Variants in MAP4K4 observed in about 807,000 individuals in gnomAD.
The protein encoded by MAP4K4 is HPK/GCK-like kinase HGK.
MAP4K4 carries 38 observed loss-of-function variants against 189.6 expected under a neutral mutation model. The ratio of observed to expected loss-of-function variants is 0.20; its 90% CI spans 0.15 to 0.26. MAP4K4 has a LOEUF of 0.26. Ranked by LOEUF, MAP4K4 falls within the 10% of genes least tolerant of loss-of-function variation. The pLI is 1.00. For synonymous variants in MAP4K4, 610 were observed against 624.3 expected, an observed-to-expected ratio of 0.98 and a Z score of 0.34; for missense variants, 1,054 against 1,726.9, an observed-to-expected ratio of 0.61 and a Z score of 6.91.
In MAP4K4 at chr2:101,877,564, C is replaced by T. The variant is rs773230251; in HGVS notation, c.3385+418C>T. On this transcript the variant is annotated intron_variant, in intron 27 of 32. Transcript: ENST00000324219. ...GATCTTGGCTCACTGCGAGCTCCGC[C>T]TCCCAGGTTCAAGCAATTCTCCTGC... 2.0e-5 allele frequency among the ~76,000 whole-genome samples: 3 copies of T among 151,748 alleles called. No individual in the cohort carries two copies. In the South Asian group the frequency reaches 6.2e-4, roughly 32 times the overall value.
At chr2:101,892,136 A>G (rs1380427983) in exon 33 of MAP4K4, 1 of 152,732 alleles carries the variant, frequency 6.5e-6, no homozygotes, top group Non-Finnish European at 1.5e-5. Flanking sequence ...TAGACGTGCA[A>G]CAAAAGTTTT....
intron 3 of MAP4K4, among the ~76,000 whole-genome samples, chr2:101,812,880 C>G (rs1216567420): frequency 6.6e-6 from 1 of 152,192 alleles, no homozygotes; most frequent in Admixed American, 6.5e-5. Flanking sequence ...GTAATCCCAG[C>G]ACTTTGGGAG....
rs774741003 is a variant in MAP4K4 at position 101,856,173 on chromosome 2, G to T, written c.1395+35G>T. 10 of 1,539,542 alleles carry T rather than the reference G, an allele frequency of 6.5e-6. 1 individual carries two copies. The South Asian group carries it at 1.2e-4, about 19-fold the overall frequency. ...CAGATAACATAGCAGGCATACACTT[G>T]TGAAGTTTGTTACTTTGCAGAGCTG... On this transcript the variant is annotated intron_variant, in intron 13 of 32. Coordinates refer to ENST00000324219, the Ensembl canonical transcript of MAP4K4.
chr2:101,808,674 A>G (rs1364444918), intron 3 of MAP4K4, among the ~76,000 whole-genome samples: 1 of 151,656 alleles, frequency 6.6e-6, no homozygotes, highest in African/African-American at 2.4e-5. Context: ...TTTACTTTCT[A>G]TGAAATATAA....
intron 2 of MAP4K4, among the ~76,000 whole-genome samples, chr2:101,774,178 A>C (rs1483756962): frequency 6.6e-6 from 1 of 152,214 alleles, no homozygotes; most frequent in Non-Finnish European, 1.5e-5. Context: ...CGTTACCACC[A>C]ACAGTGTATG....
At position 101,844,009 on chromosome 2, in the gene MAP4K4, T is replaced by C. The variant is rs1576627338; in HGVS notation, c.1023-92T>C. 3.8e-6 allele frequency: 3 copies of C among 795,114 alleles called. No homozygotes were observed. In the East Asian group the frequency reaches 8.1e-5, roughly 21 times the overall value. The allele number at this position is 795,114 out of a possible 1,614,324, so 49.3% of individuals were successfully genotyped here. A position where few individuals can be genotyped will look rare whatever the true frequency, so the allele number is the denominator to read the frequency against. The stretch of plus-strand genomic sequence containing the variant: ...GAGTCAGAGGAACTCAGAGAATGAA[T>C]GTAGAAATGGGATAATATGCTGGTG... On this transcript the variant is annotated intron_variant, in intron 11 of 32. Coordinates refer to ENST00000324219, the Ensembl canonical transcript of MAP4K4.
exon 32 of MAP4K4, chr2:101,888,833 G>T: frequency 6.2e-7 from 1 of 1,613,302 alleles, no homozygotes; most frequent in Non-Finnish European, 8.5e-7. Context: ...GCTGGGGAGA[G>T]AAGGCCATAG....
At chr2:101,755,929 CTTTTTTTTTTTTTTT>C (rs57392183) in intron 2 of MAP4K4, among the ~76,000 whole-genome samples, 11 of 57,792 alleles carry the variant, frequency 1.9e-4, no homozygotes, top group South Asian at 7.7e-4. Flanking sequence ...AGTTCTTTTT[CTTTTTTTTTTTTTTT>C]TTTTTTTTTT....
At chr2:101,756,385 C>T (rs934713356) in intron 2 of MAP4K4, among the ~76,000 whole-genome samples, 1 of 152,024 alleles carries the variant, frequency 6.6e-6, no homozygotes. Context: ...TACTCCAGCC[C>T]GTTTCCTATT....
At chr2:101,889,079 G>A in intron 32 of MAP4K4, 144 bp downstream of exon 32, 1 of 755,724 alleles carries the variant, frequency 1.3e-6, no homozygotes, top group Non-Finnish European at 2.1e-6. Flanking sequence ...AGTCATGTTT[G>A]TGAGGATTGG....
intron 5 of MAP4K4, among the ~76,000 whole-genome samples, chr2:101,827,103 A>G (rs375585138): frequency 7.2e-5 from 11 of 152,182 alleles, no homozygotes; most frequent in East Asian, 3.9e-4. Flanking sequence ...ATCATATGTA[A>G]TATGTACCTT....
chr2:101,803,660 A>G (rs1204540852), intron 3 of MAP4K4, among the ~76,000 whole-genome samples: 6 of 152,156 alleles, frequency 3.9e-5, no homozygotes, highest in Non-Finnish European at 5.9e-5. Context: ...GCTTTCTGGA[A>G]TTGCTTGTTT....
At position 101,700,926 on chromosome 2, in the gene MAP4K4, G is replaced by A. The variant is rs117061815; in HGVS notation, c.123+2388G>A. Among the ~76,000 whole-genome samples, 372 of 151,966 alleles carry A rather than the reference G, an allele frequency of 2.4e-3. 13 individuals are homozygous for A. The East Asian group carries it at 0.045, about 19-fold the overall frequency. On this transcript the variant is annotated intron_variant, in intron 2 of 32. Transcript: ENST00000324219. Reference sequence around the variant, plus strand: ...AATTTCTAGAACCATTTACAATTATGTGTAGGAGTTAATTTAGGATTTTTG... The same window carrying A: ...AATTTCTAGAACCATTTACAATTATATGTAGGAGTTAATTTAGGATTTTTG...
chr2:101,760,613 A>G (rs2075939714), intron 2 of MAP4K4, among the ~76,000 whole-genome samples: 1 of 151,678 alleles, frequency 6.6e-6, no homozygotes, highest in South Asian at 2.1e-4. Context: ...TCCCATACAC[A>G]TTGAGACTTT....
intron 2 of MAP4K4, among the ~76,000 whole-genome samples, chr2:101,741,292 C>T (rs867886809): frequency 1.4e-4 from 21 of 151,684 alleles, no homozygotes; most frequent in East Asian, 5.8e-4. Context: ...CTCAGCCTCC[C>T]GAGTAGCTGG....
rs1446317736 is a variant in MAP4K4, at chr2:101,797,309, G to T, written c.180+6533G>T. 6 of 1,290,700 alleles carry T rather than the reference G, an allele frequency of 4.6e-6. No individual in the cohort carries two copies. In the East Asian group the frequency reaches 3.3e-4, roughly 72 times the overall value. 80.0% of individuals were successfully genotyped at this position (1,290,700 alleles called of 1,614,324 possible). A position where few individuals can be genotyped will look rare whatever the true frequency, so the allele number is the denominator to read the frequency against. ...TCGTACTGGCTTCTTCTGTTTTAGG[G>T]TGTTGGTGGCACTTTCTCCCTGTGC... is the stretch of plus-strand genomic sequence containing the variant. On this transcript the variant is annotated intron_variant, in intron 3 of 32. Coordinates refer to ENST00000324219, the Ensembl canonical transcript of MAP4K4.
chr2:101,890,654 A>G (rs2098552859), intron 32 of MAP4K4, among the ~76,000 whole-genome samples: 1 of 151,574 alleles, frequency 6.6e-6, no homozygotes, highest in Admixed American at 6.6e-5. Flanking sequence ...ATGCGGTTTC[A>G]CTATCTTGGC....
chr2:101,725,016 A>G (rs2054429609), intron 2 of MAP4K4, among the ~76,000 whole-genome samples: 1 of 152,250 alleles, frequency 6.6e-6, no homozygotes, highest in Non-Finnish European at 1.5e-5. Flanking sequence ...TAGCTAGACC[A>G]TGTAGCCTTG....
intron 3 of MAP4K4, chr2:101,797,514 A>G (rs934642333): frequency 1.5e-6 from 1 of 684,842 alleles, no homozygotes; most frequent in African/African-American, 1.9e-5. Flanking sequence ...TGTTTGTGGG[A>G]TGCTAAATTT....
Sources: gnomAD v4.1 joint callset for allele counts (sites outside exome capture counted in the v4.1 genomes callset) on GRCh38, gnomAD v4.1.1 for gene constraint, MANE v1.5 for transcripts, NCBI Gene and HGNC (gene_info 2026-07-23, HGNC 2026-07-21) for gene names.